Variants in C10orf105 observed in about 807,000 individuals in gnomAD.
C10orf105 encodes uncharacterized protein C10orf105.
In C10orf105, 2 loss-of-function variants were observed where a neutral mutation model predicts 0.6. The observed-to-expected ratio is 3.18, with a 90% CI of 1.30 to 10.01. C10orf105 has a LOEUF of 10.01. Ranked by LOEUF, C10orf105 falls within the 30% of genes most tolerant of loss-of-function variation. C10orf105 has a pLI of 0.04. For missense variants in C10orf105, 209 were observed against 191.4 expected, an observed-to-expected ratio of 1.09 and a Z score of -0.54; for synonymous variants, 95 against 82.4, an observed-to-expected ratio of 1.15 and a Z score of -0.83.
At chr10:71,720,420 AAC>A (rs57346519), upstream of C10orf105, among the ~76,000 whole-genome samples, 151 of 145,534 alleles carry the variant, frequency 1.0e-3, no homozygotes, top group Middle Eastern at 3.6e-3. Flanking sequence ...CTCTTTCCAA[AAC>A]ACACACACAC....
Position 71,712,679 on chromosome 10 carries a change from G to A in C10orf105, c.*3257C>T, listed in dbSNP as rs1388129661. The A allele has an allele frequency of 6.2e-7, 1 of 1,613,526 alleles. No homozygotes were observed. The highest frequency in any genetic ancestry group is 1.3e-5 in the African/African-American group (1 of 74,940). ...AACTCCCACAGACAACGGCCCTGTA[G>A]GGAAGCGACACACGGGCACAGCCAC... On this transcript the variant is annotated 3_prime_UTR_variant, in exon 2 of 2. Transcript: ENST00000441508.
chr10:71,712,528 C>T lies in C10orf105; in HGVS notation c.*3408G>A. On this transcript the variant is annotated 3_prime_UTR_variant, in exon 2 of 2. Transcript: ENST00000441508. ...GTTATTCCTAAGCTAAAAAGGAAGT[C>T]ACCCCTTGCAAAGGCTAGGGCAGAT... The T allele has an allele frequency of 4.8e-6, 4 of 838,782 alleles. No homozygotes were observed. The highest frequency in any genetic ancestry group is 7.5e-6 in the Non-Finnish European group (4 of 532,868). 52.0% of individuals were successfully genotyped at this position (838,782 alleles called of 1,614,324 possible). A position where few individuals can be genotyped will look rare whatever the true frequency, so the allele number is the denominator to read the frequency against.
chr10:71,734,198 G>C (rs1225684300), intron 1 of C10orf105: 2 of 1,512,362 alleles, frequency 1.3e-6, no homozygotes, highest in Admixed American at 3.7e-5. Context: ...GGTTAACAAG[G>C]GTGCGATGTT....
chr10:71,720,965 C>A (rs969538154), upstream of C10orf105, among the ~76,000 whole-genome samples: 7 of 152,208 alleles, frequency 4.6e-5, no homozygotes, highest in Non-Finnish European at 7.3e-5. Flanking sequence ...TTTCAATGCC[C>A]AGAGTCCCCA....
Position 71,715,384 on chromosome 10 carries a change from TG to T in C10orf105, c.*551del, listed in dbSNP as rs1866163335. 6.6e-6 allele frequency: 1 copy of T among 152,266 alleles called. No individual in the cohort carries two copies. The highest frequency in any genetic ancestry group is 2.1e-4 in the South Asian group (1 of 4,836). 9.4% of individuals were successfully genotyped at this position (152,266 alleles called of 1,614,324 possible). ...TCTGTTCCACCAGGAGGGAGGCAGC[TG>T]CTCCCACAGGGCACCAGGCAGATGC... On this transcript the variant is annotated 3_prime_UTR_variant, in exon 2 of 2. Transcript: ENST00000441508.
At chr10:71,722,055 T>A (rs189113219), upstream of C10orf105, among the ~76,000 whole-genome samples, 1 of 152,304 alleles carries the variant, frequency 6.6e-6, no homozygotes, top group East Asian at 1.9e-4. Context: ...CAGGAACCCA[T>A]CCCCATCTTC....
chr10:71,734,430 G>A (rs534338222), intron 1 of C10orf105: 9 of 1,491,086 alleles, frequency 6.0e-6, no homozygotes, highest in Non-Finnish European at 7.3e-6. Flanking sequence ...GCCACCCAAT[G>A]TATGGGCCAG....
Position 71,729,128 on chromosome 10 carries a change from C to G in C10orf105, c.-6+8600G>C, listed in dbSNP as rs75500163. On this transcript the variant is annotated intron_variant, in intron 1 of 1. Coordinates refer to the C10orf105 transcript ENST00000398786. Reference sequence around the variant, plus strand: ...GCGATTACAGGCAAAAGCCACCATGCCTGGCCTCCATAAACACCTTTTAAA... The same window carrying G: ...GCGATTACAGGCAAAAGCCACCATGGCTGGCCTCCATAAACACCTTTTAAA... Among the ~76,000 whole-genome samples the G allele has an allele frequency of 8.5e-3, 1,297 of 152,296 alleles. 17 individuals carry two copies. Among genetic ancestry groups the G allele is most frequent in the African/African-American group, 0.03 (1,231 of 41,548 alleles).
chr10:71,732,491 G>T (rs1019189036), intron 1 of C10orf105: 7 of 1,452,894 alleles, frequency 4.8e-6, no homozygotes, highest in Non-Finnish European at 6.5e-6. Flanking sequence ...AGATGGCCAA[G>T]TGTGGTGTTA....
At chr10:71,724,110 G>T (rs1191676822), upstream of C10orf105, 8 of 1,555,936 alleles carry the variant, frequency 5.1e-6, no homozygotes, top group Non-Finnish European at 7.0e-6. Flanking sequence ...TCCATGGTAA[G>T]TGGGGCTGCC....
chr10:71,729,570 TG>T (rs1394608911), intron 1 of C10orf105, among the ~76,000 whole-genome samples: 1 of 152,004 alleles, frequency 6.6e-6, no homozygotes, highest in African/African-American at 2.4e-5. Context: ...ACAGCCCGGG[TG>T]TGGGTGCAGT....
Position 71,713,309 on chromosome 10 carries a change from A to G in C10orf105, c.*2627T>C. On this transcript the variant is annotated 3_prime_UTR_variant, in exon 2 of 2. Coordinates refer to ENST00000441508, the MANE Select transcript of C10orf105 (RefSeq NM_001164375.3). ...TCCAAGGCTCAGAGGGAGAGAAGGG[A>G]GGACCCTGAAAACAATTTGGGTGTG... The G allele has an allele frequency of 3.9e-6, 3 of 778,852 alleles. No homozygotes were observed. The highest frequency in any genetic ancestry group is 3.4e-5 in the African/African-American group (2 of 59,236). The allele number at this position is 778,852 out of a possible 1,614,324, so 48.2% of individuals were successfully genotyped here.
At chr10:71,730,750 G>A in intron 1 of C10orf105, 1 of 1,229,644 alleles carries the variant, frequency 8.1e-7, no homozygotes, top group East Asian at 2.5e-5. Flanking sequence ...TGCTGGGATG[G>A]TCTTGATCAC....
At chr10:71,732,175 ACT>A (rs1839412875) in intron 1 of C10orf105, 1 of 1,613,346 alleles carries the variant, frequency 6.2e-7, no homozygotes. Context: ...CGTCTACATC[ACT>A]CTGCTCAACG....
At position 71,732,055 on chromosome 10, in the gene C10orf105, A is replaced by C. The variant is rs886044562; in HGVS notation, c.-6+5673T>G. On this transcript the variant is annotated intron_variant, in intron 1 of 1. Transcript: ENST00000398786. ...GGGGAAGTTTGAGATTGACGAGAGCACAGGGCTTATCATCACCGTGAATTA... is the reference window on the plus strand; with the variant it reads ...GGGGAAGTTTGAGATTGACGAGAGCCCAGGGCTTATCATCACCGTGAATTA... 1 of 1,614,046 alleles carries C rather than the reference A, an allele frequency of 6.2e-7. No individual in the cohort carries two copies. Among genetic ancestry groups the C allele is most frequent in the Non-Finnish European group, 8.5e-7 (1 of 1,179,898 alleles).
chr10:71,730,626 C>T (rs766236437), intron 1 of C10orf105: 32 of 1,612,940 alleles, frequency 2.0e-5, no homozygotes, highest in Non-Finnish European at 2.6e-5. Flanking sequence ...AGGAGGAAGC[C>T]GGGGATCCCA....
At chr10:71,719,475 C>T (rs1866447502) in intron 1 of C10orf105, among the ~76,000 whole-genome samples, 152 bp downstream of exon 1, 1 of 152,200 alleles carries the variant, frequency 6.6e-6, no homozygotes, top group South Asian at 2.1e-4. Context: ...GGGCTAGTCC[C>T]TACCCCTTAC....
intron 1 of C10orf105, chr10:71,732,022 G>A (rs2132824504): frequency 3.1e-6 from 5 of 1,613,938 alleles, no homozygotes; most frequent in Non-Finnish European, 4.2e-6. Flanking sequence ...CATCCTGTCG[G>A]GCGCAGAGGG....
chr10:71,728,865 G>A (rs532310255), intron 1 of C10orf105, among the ~76,000 whole-genome samples: 6 of 152,202 alleles, frequency 3.9e-5, no homozygotes, highest in South Asian at 4.1e-4. Context: ...CACCACCCCC[G>A]GCTAATTTTT....
Sources: gnomAD v4.1 joint callset for allele counts (sites outside exome capture counted in the v4.1 genomes callset) on GRCh38, gnomAD v4.1.1 for gene constraint, MANE v1.5 for transcripts, NCBI Gene and HGNC (gene_info 2026-07-23, HGNC 2026-07-21) for gene names.